CSMD1: variants seen among roughly 807,000 people sequenced by gnomAD.
CSMD1 encodes the protein CUB and sushi domain-containing protein 1.
In CSMD1, 213 loss-of-function variants were observed where a neutral mutation model predicts 417.5. The ratio of observed to expected loss-of-function variants is 0.51; its 90% CI spans 0.46 to 0.57. CSMD1 has a LOEUF of 0.57. Among genes scored for constraint, CSMD1 ranks in the 20% least tolerant of loss-of-function variants. The pLI is 0.00. For missense variants in CSMD1, 6,923 were observed against 4,529.7 expected, an observed-to-expected ratio of 1.53 and a Z score of -15.17; for synonymous variants, 2,862 against 1,736.8, an observed-to-expected ratio of 1.65 and a Z score of -16.11.
intron 3 of CSMD1, among the ~76,000 whole-genome samples, chr8:4,333,715 C>G (rs992710891): frequency 1.3e-5 from 2 of 152,076 alleles, no homozygotes; most frequent in African/African-American, 4.8e-5. Context: ...GTAGAAAGGA[C>G]TGCTTACAAT....
intron 59 of CSMD1, among the ~76,000 whole-genome samples, chr8:2,965,153 G>A (rs1028493287): frequency 6.6e-6 from 1 of 152,084 alleles, no homozygotes; most frequent in Non-Finnish European, 1.5e-5. Context: ...CCGCCACTCA[G>A]CCCTGCTCCC....
intron 2 of CSMD1, among the ~76,000 whole-genome samples, chr8:4,455,243 C>G (rs1799396782): frequency 6.6e-6 from 1 of 152,058 alleles, no homozygotes; most frequent in African/African-American, 2.4e-5. Context: ...TATTTGTTGG[C>G]CTTTTCCCCA....
At chr8:4,796,634 C>G (rs964128272) in intron 1 of CSMD1, among the ~76,000 whole-genome samples, 1 of 152,216 alleles carries the variant, frequency 6.6e-6, no homozygotes. Flanking sequence ...GGTGGCATAC[C>G]CATGGGGAAA....
At chr8:4,618,386 C>A (rs1300355742) in intron 2 of CSMD1, among the ~76,000 whole-genome samples, 1 of 152,030 alleles carries the variant, frequency 6.6e-6, no homozygotes. Flanking sequence ...GTTTACTTTG[C>A]AGAAATATTT....
intron 5 of CSMD1, among the ~76,000 whole-genome samples, chr8:3,962,649 T>G (rs1812406152): frequency 6.6e-6 from 1 of 152,156 alleles, no homozygotes; most frequent in South Asian, 2.1e-4. Flanking sequence ...GACATTCAAT[T>G]GCAGTTAGAT....
At chr8:4,687,571 G>A (rs1385242039) in intron 1 of CSMD1, among the ~76,000 whole-genome samples, 1 of 152,104 alleles carries the variant, frequency 6.6e-6, no homozygotes, top group Non-Finnish European at 1.5e-5. Flanking sequence ...TTTTATAGGA[G>A]CATCACAAGA....
chr8:3,450,627 C>G (rs774727740), intron 12 of CSMD1, among the ~76,000 whole-genome samples: 1 of 152,044 alleles, frequency 6.6e-6, no homozygotes, highest in African/African-American at 2.4e-5. Context: ...ATCCATGTCC[C>G]TATAAAGGAC....
At chr8:3,757,665 C>T (rs1471859235) in intron 5 of CSMD1, among the ~76,000 whole-genome samples, 1 of 152,010 alleles carries the variant, frequency 6.6e-6, no homozygotes, top group African/African-American at 2.4e-5. Flanking sequence ...GAGTTCAAGA[C>T]AAGCATGGCC....
intron 2 of CSMD1, among the ~76,000 whole-genome samples, chr8:4,609,774 GAACA>G (rs1422131658): frequency 6.6e-6 from 1 of 152,036 alleles, no homozygotes; most frequent in African/African-American, 2.4e-5. Context: ...ACTGAAACAG[GAACA>G]AACAAACAAA....
At chr8:4,114,145 C>A (rs927861484) in intron 3 of CSMD1, among the ~76,000 whole-genome samples, 2 of 152,148 alleles carry the variant, frequency 1.3e-5, no homozygotes, top group Non-Finnish European at 2.9e-5. Flanking sequence ...TAAGTCAATG[C>A]TTGGCTTAAA....
At chr8:4,277,447 C>G (rs1796551201) in intron 3 of CSMD1, among the ~76,000 whole-genome samples, 1 of 152,160 alleles carries the variant, frequency 6.6e-6, no homozygotes, top group Non-Finnish European at 1.5e-5. Context: ...TTTCAGTCAA[C>G]CTCCTCACCA....
At chr8:4,326,146 T>A (rs1218608050) in intron 3 of CSMD1, among the ~76,000 whole-genome samples, 1 of 152,166 alleles carries the variant, frequency 6.6e-6, no homozygotes. Flanking sequence ...ATATTCAGTT[T>A]AGAGTTGTGC....
intron 11 of CSMD1, among the ~76,000 whole-genome samples, chr8:3,478,161 G>A (rs958633202): frequency 5.9e-5 from 9 of 152,188 alleles, no homozygotes; most frequent in East Asian, 1.9e-4. Flanking sequence ...ATCCATTACA[G>A]CCAGGTGGCA....
intron 3 of CSMD1, among the ~76,000 whole-genome samples, chr8:4,261,529 G>C (rs983826513): frequency 2.0e-5 from 3 of 152,090 alleles, no homozygotes; most frequent in Non-Finnish European, 4.4e-5. Context: ...TTATATACTT[G>C]AAATTTGCTA....
intron 5 of CSMD1, among the ~76,000 whole-genome samples, chr8:3,865,296 T>A (rs1050940839): frequency 6.6e-6 from 1 of 152,160 alleles, no homozygotes; most frequent in East Asian, 1.9e-4. Flanking sequence ...GAGCGGTACT[T>A]CAATGTGACA....
Position 3,258,082 on chromosome 8 carries a change from G to A in CSMD1, c.4153+26062C>T, listed in dbSNP as rs188949383. ...GGCCCCATTCTCATAAATTTTATAG[G>A]TATGTCCAATAAGGTTTCTGGATGG... On this transcript the variant is annotated intron_variant, in intron 26 of 69. Coordinates refer to ENST00000635120, the MANE Select transcript of CSMD1 (RefSeq NM_033225.6). Among the ~76,000 whole-genome samples, 445 of 152,238 alleles carry A rather than the reference G, an allele frequency of 2.9e-3. 2 individuals carry two copies. Among genetic ancestry groups the A allele is most frequent in the African/African-American group, 0.01 (421 of 41,532 alleles).
chr8:3,558,333 AGT>A (rs1799266880), intron 10 of CSMD1, among the ~76,000 whole-genome samples: 3 of 122,650 alleles, frequency 2.4e-5, no homozygotes, highest in South Asian at 5.3e-4. Flanking sequence ...ATGATGCCTC[AGT>A]AGTACCCCGT....
rs56721822 is a variant in CSMD1, at chr8:3,926,714, C to CTTTTT, written c.818+71184_818+71188dup. Among the ~76,000 whole-genome samples, 57 of 103,498 alleles carry CTTTTT rather than the reference C, an allele frequency of 5.5e-4. 1 individual carries two copies. The highest frequency in any genetic ancestry group is 8.7e-4 in the African/African-American group (22 of 25,276). The allele number at this position is 103,498 out of a possible 152,430, so 67.9% of individuals were successfully genotyped here. A position where few individuals can be genotyped will look rare whatever the true frequency, so the allele number is the denominator to read the frequency against. On this transcript the variant is annotated intron_variant, in intron 5 of 69. Coordinates refer to ENST00000635120, the MANE Select transcript of CSMD1 (RefSeq NM_033225.6). ...AATTAAATTCAAGTTAAATTGACACCTTTTTTTTTTTTTTTTTTTTTTTAT... is the reference window on the plus strand; with the variant it reads ...AATTAAATTCAAGTTAAATTGACACCTTTTTTTTTTTTTTTTTTTTTTTTTTTTAT...
At chr8:4,547,108 T>C (rs1421337498) in intron 2 of CSMD1, among the ~76,000 whole-genome samples, 2 of 152,194 alleles carry the variant, frequency 1.3e-5, no homozygotes, top group Admixed American at 6.5e-5. Flanking sequence ...AAATTCAATA[T>C]ATGCATCCCC....
Sources: gnomAD v4.1 joint callset for allele counts (sites outside exome capture counted in the v4.1 genomes callset) on GRCh38, gnomAD v4.1.1 for gene constraint, MANE v1.5 for transcripts, NCBI Gene and HGNC (gene_info 2026-07-23, HGNC 2026-07-21) for gene names.